Variants in TAF2 observed in about 807,000 individuals in gnomAD.
TAF2 encodes the protein transcription initiation factor TFIID subunit 2.
A neutral mutation model predicts 138.5 loss-of-function variants in TAF2; 61 were observed. That is an observed-to-expected ratio of 0.44 (90% CI 0.36 to 0.54). The LOEUF (loss-of-function observed/expected upper bound fraction) is 0.54, where lower values mean the gene tolerates loss of function less well. TAF2 is among the 20% of genes least tolerant of loss of function. The pLI is 0.00. For missense variants in TAF2, 1,090 were observed against 1,427.9 expected (o/e 0.76, Z 3.81); for synonymous variants, 475 against 469.9 (o/e 1.01, Z -0.14).
At position 119,825,418 on chromosome 8, in the gene TAF2, G is replaced by A. The variant is rs577019802; in HGVS notation, c.139-5912C>T. Among the ~76,000 whole-genome samples the A allele has an allele frequency of 3.9e-5, 6 of 152,188 alleles. No individual in the cohort carries two copies. The East Asian group carries it at 1.2e-3, about 29-fold the overall frequency. ...CTTGCCTTGTCTCTGATGAGACTTA[G>A]GACTGTGGACTTTTGAGTTAATGCT... is the stretch of plus-strand genomic sequence containing the variant. On this transcript the variant is annotated intron_variant, in intron 2 of 25. Transcript: ENST00000378164.
intron 14 of TAF2, among the ~76,000 whole-genome samples, chr8:119,787,259 G>T (rs895563073): frequency 6.6e-6 from 1 of 152,118 alleles, no homozygotes; most frequent in African/African-American, 2.4e-5. Flanking sequence ...AATGCTAAAT[G>T]ACGTGTTAAT....
chr8:119,754,456 C>T (rs181838088), intron 22 of TAF2, among the ~76,000 whole-genome samples: 5 of 152,060 alleles, frequency 3.3e-5, no homozygotes, highest in Admixed American at 1.3e-4. Context: ...GAAGATGAGG[C>T]GGCGGATCAC....
intron 20 of TAF2, 63 bp downstream of exon 20, chr8:119,760,536 C>T (rs762130622): frequency 2.6e-4 from 406 of 1,587,280 alleles, no homozygotes; most frequent in Non-Finnish European, 2.7e-4. Flanking sequence ...CCCAACAACA[C>T]TGGCTTTAAA....
chr8:119,808,062 T>A (rs890654808), intron 3 of TAF2, among the ~76,000 whole-genome samples: 1 of 152,184 alleles, frequency 6.6e-6, no homozygotes, highest in African/African-American at 2.4e-5. Flanking sequence ...TCCCTCTCCA[T>A]CTTCATCAAT....
intron 16 of TAF2, 92 bp from the exon 17 acceptor site, chr8:119,781,285 C>T: frequency 3.5e-6 from 5 of 1,419,316 alleles, no homozygotes; most frequent in South Asian, 2.4e-5. Flanking sequence ...AATACTACAA[C>T]TGGATTGGGT....
chr8:119,780,686 A>G (rs1214979793), intron 17 of TAF2, among the ~76,000 whole-genome samples: 2 of 152,218 alleles, frequency 1.3e-5, no homozygotes, highest in Non-Finnish European at 2.9e-5. Context: ...CTGTAATCTC[A>G]GCACTTTGGG....
chr8:119,792,318 A>G (rs1350746158), intron 10 of TAF2, among the ~76,000 whole-genome samples: 1 of 151,630 alleles, frequency 6.6e-6, no homozygotes, highest in Non-Finnish European at 1.5e-5. Flanking sequence ...CGCCTGGCTA[A>G]TTTTTGTATT....
At chr8:119,737,133 C>T (rs1469035658) in intron 25 of TAF2, among the ~76,000 whole-genome samples, 2 of 152,036 alleles carry the variant, frequency 1.3e-5, no homozygotes, top group East Asian at 1.9e-4. Flanking sequence ...GTGGACCCTA[C>T]GTGGACACTG....
chr8:119,758,155 G>T lies in TAF2; in HGVS notation c.2699-13C>A. 2.5e-6 allele frequency: 4 copies of T among 1,593,518 alleles called. No individual in the cohort carries two copies. The highest frequency in any genetic ancestry group is 3.4e-6 in the Non-Finnish European group (4 of 1,163,206). ...TAACTTCTGTCCACTGAAAATAAAA[G>T]AAAATATATTTGTTGTTAATTATAA... On this transcript the variant is annotated splice_polypyrimidine_tract_variant and intron_variant, in intron 20 of 25. Coordinates refer to ENST00000378164, the MANE Select transcript of TAF2 (RefSeq NM_003184.4).
Position 119,766,568 on chromosome 8 carries a change from T to C in TAF2, c.2365-3960A>G, listed in dbSNP as rs573111178. 6.6e-5 allele frequency among the ~76,000 whole-genome samples: 10 copies of C among 152,288 alleles called. No individual in the cohort carries two copies. The South Asian group carries it at 2.1e-3, about 32-fold the overall frequency. ...ACTTTGGGAGGCTGAGGTGGGTGGA[T>C]TACTTGAGGTCAGGAGTTTGAGACA... On this transcript the variant is annotated intron_variant, in intron 18 of 25. Coordinates refer to ENST00000378164, the MANE Select transcript of TAF2 (RefSeq NM_003184.4).
intron 18 of TAF2, among the ~76,000 whole-genome samples, chr8:119,775,595 T>C (rs959231180): frequency 1.3e-5 from 2 of 151,340 alleles, no homozygotes; most frequent in Admixed American, 6.6e-5. Flanking sequence ...CCCAGATACT[T>C]GGGAGGCTGA....
intron 3 of TAF2, among the ~76,000 whole-genome samples, chr8:119,811,849 C>T (rs1478160355): frequency 1.3e-5 from 2 of 151,428 alleles, no homozygotes; most frequent in African/African-American, 4.8e-5. Flanking sequence ...AAAATTTAAC[C>T]TGGAACCATG....
chr8:119,770,348 A>T (rs181084205), intron 18 of TAF2, among the ~76,000 whole-genome samples: 1 of 152,138 alleles, frequency 6.6e-6, no homozygotes, highest in Non-Finnish European at 1.5e-5. Context: ...TCTTAAAAGC[A>T]GCTAGAAAGA....
At chr8:119,803,730 A>G in intron 5 of TAF2, 148 bp downstream of exon 5, 1 of 844,684 alleles carries the variant, frequency 1.2e-6, no homozygotes, top group Non-Finnish European at 1.8e-6. Context: ...TTTAAGAGGA[A>G]TGACTAACAG....
intron 2 of TAF2, among the ~76,000 whole-genome samples, chr8:119,827,823 A>C (rs1826199667): frequency 6.6e-6 from 1 of 150,832 alleles, no homozygotes; most frequent in South Asian, 2.1e-4. Context: ...GGCTCACTGC[A>C]ACCTCTGCCT....
chr8:119,790,873 T>C (rs1409644461), intron 11 of TAF2, among the ~76,000 whole-genome samples: 3 of 152,096 alleles, frequency 2.0e-5, no homozygotes, highest in African/African-American at 7.2e-5. Flanking sequence ...CATAGCTCAC[T>C]GCAGCTTCAA....
intron 2 of TAF2, among the ~76,000 whole-genome samples, chr8:119,824,938 G>C (rs1192065487): frequency 6.6e-6 from 1 of 152,230 alleles, no homozygotes; most frequent in Non-Finnish European, 1.5e-5. Context: ...GTGCAGAAGA[G>C]AAATGTGGTG....
intron 22 of TAF2, among the ~76,000 whole-genome samples, chr8:119,755,577 T>G (rs977013562): frequency 3.3e-5 from 5 of 152,182 alleles, no homozygotes; most frequent in Admixed American, 2.6e-4. Flanking sequence ...ATAAGTATTT[T>G]GAAAAAATAC....
chr8:119,744,511 A>C lies in TAF2; in HGVS notation c.3109-118T>G, dbSNP rs529993178. 13 of 833,308 alleles carry C rather than the reference A, an allele frequency of 1.6e-5. No individual in the cohort carries two copies. In the Admixed American group the frequency reaches 1.8e-4, roughly 11 times the overall value. 51.6% of individuals were successfully genotyped at this position (833,308 alleles called of 1,614,324 possible). On this transcript the variant is annotated intron_variant, in intron 23 of 25. Transcript: ENST00000378164. ...ATAGGATATACCCCCATATAATCTT[A>C]AAATAAAAAGTAGTTTCTTTCTTCA... is the stretch of plus-strand genomic sequence containing the variant.
Sources: allele counts gnomAD v4.1 joint callset (sites outside exome capture counted in the v4.1 genomes callset), GRCh38; gene constraint gnomAD v4.1.1; transcripts MANE v1.5; gene names NCBI Gene and HGNC (gene_info 2026-07-23, HGNC 2026-07-21).